The following BPNT2 variants were observed in gnomAD, a reference collection of about 807,000 sequenced individuals.
BPNT2 encodes 3'(2'), 5'-bisphosphate nucleotidase 2.
Under a neutral mutation model 29.3 loss-of-function variants are expected in BPNT2, and 11 were observed. That is an observed-to-expected ratio of 0.38 (90% CI 0.24 to 0.62). The LOEUF (loss-of-function observed/expected upper bound fraction) is 0.62. BPNT2 is among the 20% of genes least tolerant of loss of function. The pLI, the probability that BPNT2 is intolerant of heterozygous loss-of-function variation, is 0.62. For synonymous variants in BPNT2, 195 were observed against 187.7 expected, an observed-to-expected ratio of 1.04 and a Z score of -0.32; for missense variants, 459 against 473.4, an observed-to-expected ratio of 0.97 and a Z score of 0.28.
rs1805828706 is a variant in BPNT2 at position 56,961,305 on chromosome 8, G to C, written c.*2488C>G. 6.6e-6 allele frequency: 1 copy of C among 152,090 alleles called. No homozygotes were observed. The highest frequency in any genetic ancestry group is 6.6e-5 in the Admixed American group (1 of 15,266). 9.4% of individuals were successfully genotyped at this position (152,090 alleles called of 1,614,324 possible). On this transcript the variant is annotated 3_prime_UTR_variant, in exon 5 of 5. Transcript: ENST00000262644. ...GAGATAACATTACTCATTCATGAAG[G>C]TGTTTTACTAGGATGCTATGGCACA...
Position 56,959,689 on chromosome 8 carries a change from T to G in BPNT2, c.*4104A>C, listed in dbSNP as rs1207608037. 6.6e-6 allele frequency: 1 copy of G among 152,212 alleles called. No homozygotes were observed. Among genetic ancestry groups the G allele is most frequent in the African/African-American group, 2.4e-5 (1 of 41,462 alleles). 9.4% of individuals were successfully genotyped at this position (152,212 alleles called of 1,614,324 possible). A position where few individuals can be genotyped will look rare whatever the true frequency, so the allele number is the denominator to read the frequency against. ...AAAAGATGAAATATTATTTCAGACC[T>G]ATATACATCAAGATGCCAGTTCTTA... On this transcript the variant is annotated 3_prime_UTR_variant, in exon 5 of 5. Coordinates refer to ENST00000262644, the MANE Select transcript of BPNT2 (RefSeq NM_017813.5).
rs1378424831 is a variant in BPNT2, at chr8:56,960,660, G to T, written c.*3133C>A. 1 of 152,078 alleles carries T rather than the reference G, an allele frequency of 6.6e-6. No homozygotes were observed. Among genetic ancestry groups the T allele is most frequent in the East Asian group, 1.9e-4 (1 of 5,192 alleles). 9.4% of individuals were successfully genotyped at this position (152,078 alleles called of 1,614,324 possible). A position where few individuals can be genotyped will look rare whatever the true frequency, so the allele number is the denominator to read the frequency against. ...TTCAACTGAACTGGGGATACAAGTA[G>T]GAAAACAGTAAAAGCAAGTTTCCTC... On this transcript the variant is annotated 3_prime_UTR_variant, in exon 5 of 5. Transcript: ENST00000262644.
At chr8:56,982,193 G>C (rs546053285) in intron 1 of BPNT2, among the ~76,000 whole-genome samples, 1 of 148,438 alleles carries the variant, frequency 6.7e-6, no homozygotes, top group Non-Finnish European at 1.5e-5. Flanking sequence ...GTGTAATCTC[G>C]GCTCACTGCA....
intron 3 of BPNT2, chr8:56,967,333 C>A (rs1477155555): frequency 2.3e-6 from 1 of 437,016 alleles, no homozygotes; most frequent in African/African-American, 2.0e-5. Flanking sequence ...TACACAGCAA[C>A]AAGAAGAACA....
At chr8:56,992,743 A>G (rs988497192) in intron 1 of BPNT2, among the ~76,000 whole-genome samples, 2 of 118,996 alleles carry the variant, frequency 1.7e-5, no homozygotes, top group Non-Finnish European at 3.3e-5. Flanking sequence ...TGCCCCGCAC[A>G]CTAACAGCTC....
At chr8:56,983,857 G>GA (rs1363604406) in intron 1 of BPNT2, among the ~76,000 whole-genome samples, 1 of 150,982 alleles carries the variant, frequency 6.6e-6, no homozygotes, top group Middle Eastern at 3.2e-3. Flanking sequence ...GGGAAGAGGG[G>GA]AAAAAAAATA....
At position 56,987,017 on chromosome 8, in the gene BPNT2, T is replaced by C. The variant is rs1806337052; in HGVS notation, c.387+6182A>G. On this transcript the variant is annotated intron_variant, in intron 1 of 4. Coordinates refer to ENST00000262644, the MANE Select transcript of BPNT2 (RefSeq NM_017813.5). ...CATATAATACATATACACACATAAG[T>C]GTATTTAGGCTAGTCTTTTAAATTC... Among the ~76,000 whole-genome samples, 8 of 152,206 alleles carry C rather than the reference T, an allele frequency of 5.3e-5. No individual in the cohort carries two copies. In the South Asian group the frequency reaches 1.7e-3, roughly 32 times the overall value.
chr8:56,979,583 C>T (rs1157401768), intron 2 of BPNT2, among the ~76,000 whole-genome samples: 1 of 152,058 alleles, frequency 6.6e-6, no homozygotes, highest in Non-Finnish European at 1.5e-5. Flanking sequence ...TACCATCTAT[C>T]AGGATAAATA....
chr8:56,958,110 G>A lies in BPNT2; in HGVS notation c.*5683C>T, dbSNP rs1805768381. ...TAAAAACAATTTAGTATGTGGGGGG[G>A]TGATAATCATAAATATTTGCAAAGG... is the stretch of plus-strand genomic sequence containing the variant. On this transcript the variant is annotated 3_prime_UTR_variant, in exon 5 of 5. Transcript: ENST00000262644. 1 of 151,964 alleles carries A rather than the reference G, an allele frequency of 6.6e-6. No individual in the cohort carries two copies. The highest frequency in any genetic ancestry group is 2.4e-5 in the African/African-American group (1 of 41,344). The allele number at this position is 151,964 out of a possible 1,614,324, so 9.4% of individuals were successfully genotyped here.
chr8:56,972,389 C>G (rs1453097222), intron 3 of BPNT2, among the ~76,000 whole-genome samples: 1 of 151,516 alleles, frequency 6.6e-6, no homozygotes, highest in East Asian at 2.0e-4. Flanking sequence ...CTGTGGCTGC[C>G]TGCTATCTCA....
intron 1 of BPNT2, among the ~76,000 whole-genome samples, chr8:56,984,624 T>C (rs575162404): frequency 4.6e-5 from 7 of 152,328 alleles, no homozygotes; most frequent in South Asian, 2.1e-4. Flanking sequence ...CTAATGGCTA[T>C]ATACGCTAAA....
At chr8:56,975,504 C>T (rs1202020654) in intron 3 of BPNT2, among the ~76,000 whole-genome samples, 1 of 151,894 alleles carries the variant, frequency 6.6e-6, no homozygotes, top group Non-Finnish European at 1.5e-5. Context: ...TTTTATATTC[C>T]TTCCAGAGTT....
chr8:56,980,031 T>C lies in BPNT2; in HGVS notation c.550+4A>G, dbSNP rs1412525455. ...AAATGTTTTGAGTTCAGTTTAAAAA[T>C]TACCTGTATATTCCTGTGTAGCATC... On this transcript the variant is annotated splice_donor_region_variant and intron_variant, in intron 2 of 4. Transcript: ENST00000262644. The C allele has an allele frequency of 1.1e-5, 17 of 1,613,592 alleles. No individual in the cohort carries two copies. The highest frequency in any genetic ancestry group is 1.4e-5 in the Non-Finnish European group (17 of 1,179,768).
chr8:56,973,269 C>T (rs768810355), intron 3 of BPNT2, among the ~76,000 whole-genome samples: 28 of 152,016 alleles, frequency 1.8e-4, no homozygotes, highest in Non-Finnish European at 3.8e-4. Flanking sequence ...CCAAACACTA[C>T]GTCTCTAATC....
At chr8:56,972,905 A>T (rs1806062673) in intron 3 of BPNT2, among the ~76,000 whole-genome samples, 1 of 152,140 alleles carries the variant, frequency 6.6e-6, no homozygotes, top group Non-Finnish European at 1.5e-5. Context: ...AGTAAGGAAG[A>T]GAAATGAGCA....
chr8:56,959,569 G>A lies in BPNT2; in HGVS notation c.*4224C>T, dbSNP rs1805792645. On this transcript the variant is annotated 3_prime_UTR_variant, in exon 5 of 5. Transcript: ENST00000262644. ...AGTCACTTTTTAAACCAAAATGACTGTAGAGGACTAACAGCACACTGAAAT... is the reference window on the plus strand; with the variant it reads ...AGTCACTTTTTAAACCAAAATGACTATAGAGGACTAACAGCACACTGAAAT... 6.6e-6 allele frequency: 1 copy of A among 152,118 alleles called. No individual in the cohort carries two copies. The highest frequency in any genetic ancestry group is 6.6e-5 in the Admixed American group (1 of 15,258). 9.4% of individuals were successfully genotyped at this position (152,118 alleles called of 1,614,324 possible). A position where few individuals can be genotyped will look rare whatever the true frequency, so the allele number is the denominator to read the frequency against.
At chr8:56,980,884 A>G (rs539077984) in intron 1 of BPNT2, among the ~76,000 whole-genome samples, 58 of 150,360 alleles carry the variant, frequency 3.9e-4, no homozygotes, top group African/African-American at 1.2e-3. Context: ...TTCTCTCTGT[A>G]TAATATATAT....
chr8:56,965,833 T>A (rs1037675658), intron 4 of BPNT2, among the ~76,000 whole-genome samples: 8 of 152,234 alleles, frequency 5.3e-5, no homozygotes, highest in Admixed American at 2.0e-4. Context: ...TTCTGCCATA[T>A]GAAGCATCTT....
intron 2 of BPNT2, 145 bp downstream of exon 2, chr8:56,979,890 A>G (rs965307047): frequency 2.8e-6 from 2 of 723,042 alleles, no homozygotes; most frequent in Non-Finnish European, 2.4e-6. Flanking sequence ...TAGGTGTCCA[A>G]TATAAAACAT....
Sources: allele counts gnomAD v4.1 joint callset (sites outside exome capture counted in the v4.1 genomes callset), GRCh38; gene constraint gnomAD v4.1.1; transcripts MANE v1.5; gene names NCBI Gene and HGNC (gene_info 2026-07-23, HGNC 2026-07-21).